BCAR3: variants seen among roughly 807,000 people sequenced by gnomAD.
BCAR3 encodes BCAR3 adaptor protein, NSP family member.
BCAR3 carries 37 observed loss-of-function variants against 80.1 expected under a neutral mutation model. That is an observed-to-expected ratio of 0.46 (90% CI 0.36 to 0.61). The LOEUF (loss-of-function observed/expected upper bound fraction) is 0.61, where lower values mean the gene tolerates loss of function less well. BCAR3 is among the 20% of genes least tolerant of loss of function. The pLI is 0.00. For synonymous variants in BCAR3, 389 were observed against 418.9 expected (o/e 0.93, Z 0.87); for missense variants, 978 against 1,068.2 (o/e 0.92, Z 1.18).
At chr1:93,587,507 A>C (rs534790425) in intron 5 of BCAR3, among the ~76,000 whole-genome samples, 27 of 152,324 alleles carry the variant, frequency 1.8e-4, no homozygotes, top group African/African-American at 6.5e-4. Flanking sequence ...CCCATGGTTG[A>C]AAAGTTGCCC....
At chr1:93,623,682 T>C (rs1478000117) in intron 3 of BCAR3, among the ~76,000 whole-genome samples, 1 of 152,180 alleles carries the variant, frequency 6.6e-6, no homozygotes, top group African/African-American at 2.4e-5. Flanking sequence ...CCCAGGCCAC[T>C]CCACCCCTGC....
At chr1:93,839,964 G>A (rs72723165) in intron 2 of BCAR3, among the ~76,000 whole-genome samples, 11,199 of 152,136 alleles carry the variant, frequency 0.074, 468 homozygotes, top group South Asian at 0.093. Context: ...CTGCTCCCAG[G>A]TCATGCTGAT....
At chr1:93,712,212 C>T (rs1650047740) in intron 2 of BCAR3, among the ~76,000 whole-genome samples, 1 of 152,226 alleles carries the variant, frequency 6.6e-6, no homozygotes, top group Non-Finnish European at 1.5e-5. Flanking sequence ...TCAACTTGAT[C>T]ATTGTCTGAC....
intron 3 of BCAR3, among the ~76,000 whole-genome samples, chr1:93,690,668 G>C (rs1649155899): frequency 6.6e-6 from 1 of 152,208 alleles, no homozygotes; most frequent in Non-Finnish European, 1.5e-5. Flanking sequence ...CCTAGCAACT[G>C]TCTGAATTCT....
At chr1:93,728,708 C>G (rs968837811) in intron 2 of BCAR3, among the ~76,000 whole-genome samples, 3 of 152,170 alleles carry the variant, frequency 2.0e-5, no homozygotes, top group Non-Finnish European at 4.4e-5. Context: ...TCTGTCATGC[C>G]CTCTTTTGCC....
intron 1 of BCAR3, among the ~76,000 whole-genome samples, chr1:93,678,937 C>T (rs1254900668): frequency 6.6e-6 from 1 of 152,162 alleles, no homozygotes; most frequent in African/African-American, 2.4e-5. Context: ...ATGTTTTCTC[C>T]ACTTGGAAAT....
chr1:93,682,140 G>A (rs1648812496), upstream of BCAR3, among the ~76,000 whole-genome samples: 1 of 152,214 alleles, frequency 6.6e-6, no homozygotes, highest in Admixed American at 6.5e-5. Context: ...TTGCTCGTCT[G>A]CAGACACCTG....
intron 2 of BCAR3, among the ~76,000 whole-genome samples, chr1:93,730,956 C>T (rs565442998): frequency 1.3e-5 from 2 of 152,344 alleles, no homozygotes; most frequent in East Asian, 3.9e-4. Context: ...GTCATGTGGG[C>T]AGCATGTGCC....
chr1:93,675,925 CAAAAAAAAA>C (rs58706715), intron 1 of BCAR3, among the ~76,000 whole-genome samples: 6,262 of 51,586 alleles, frequency 0.12, 399 homozygotes, highest in African/African-American at 0.21. Flanking sequence ...AAATAGGAGA[CAAAAAAAAA>C]AAAAAAAAAA....
intron 3 of BCAR3, among the ~76,000 whole-genome samples, chr1:93,604,719 T>C (rs1339064937): frequency 6.6e-6 from 1 of 152,248 alleles, no homozygotes; most frequent in Non-Finnish European, 1.5e-5. Flanking sequence ...AGTTTTATTT[T>C]GATAGAACAC....
rs1365063005 is a variant in BCAR3, at chr1:93,582,504, C to G, written c.1483G>C (p.Glu495Gln). ...TCGCCCTTGTCCCACTGCCCCTTCT[C>G]CATCTGAGCTGCCGCAGGTTCCCAA... ...RPWEPAAAQMEKGQWDKGEFV... is the reference protein window; with the variant it reads ...RPWEPAAAQMQKGQWDKGEFV... Residue 495 changes from glutamate to glutamine, a missense_variant, in exon 7 of 12, where the codon GAG (glutamate) becomes CAG (glutamine). Transcript: ENST00000260502. 6.2e-7 allele frequency: 1 copy of G among 1,614,006 alleles called. No homozygotes were observed. Among genetic ancestry groups the G allele is most frequent in the Non-Finnish European group, 8.5e-7 (1 of 1,180,030 alleles).
intron 2 of BCAR3, among the ~76,000 whole-genome samples, chr1:93,670,022 C>A (rs1648132748): frequency 1.3e-5 from 2 of 152,150 alleles, no homozygotes; most frequent in African/African-American, 2.4e-5. Flanking sequence ...CAAAATCTCA[C>A]AAATCACCAC....
intron 2 of BCAR3, among the ~76,000 whole-genome samples, chr1:93,719,174 G>A (rs1003930804): frequency 3.9e-5 from 6 of 152,008 alleles, no homozygotes; most frequent in African/African-American, 1.4e-4. Context: ...CTCATCTCCA[G>A]GTTCTCATAG....
At chr1:93,635,422 A>G (rs999327540) in intron 3 of BCAR3, among the ~76,000 whole-genome samples, 1 of 152,174 alleles carries the variant, frequency 6.6e-6, no homozygotes, top group Admixed American at 6.5e-5. Context: ...CTCTTTATAA[A>G]TGGCCACATT....
chr1:93,692,856 G>A (rs1437119548), intron 3 of BCAR3, among the ~76,000 whole-genome samples: 2 of 152,182 alleles, frequency 1.3e-5, no homozygotes, highest in African/African-American at 2.4e-5. Context: ...CACTTGCTAG[G>A]CATTCCATAG....
intron 2 of BCAR3, among the ~76,000 whole-genome samples, chr1:93,785,596 G>A (rs1376917377): frequency 6.6e-6 from 1 of 152,216 alleles, no homozygotes; most frequent in Non-Finnish European, 1.5e-5. Context: ...ATTGTGAGAA[G>A]GATAAAATGA....
At chr1:93,689,511 A>C (rs536761143) in intron 3 of BCAR3, among the ~76,000 whole-genome samples, 1 of 148,954 alleles carries the variant, frequency 6.7e-6, no homozygotes, top group East Asian at 1.9e-4. Context: ...AGCCTAGCAA[A>C]CAAGAGCAAA....
intron 2 of BCAR3, among the ~76,000 whole-genome samples, chr1:93,651,732 T>C (rs1676331656): frequency 6.6e-6 from 1 of 152,144 alleles, no homozygotes; most frequent in Non-Finnish European, 1.5e-5. Flanking sequence ...ACACTGAGGC[T>C]ACAAAAAGGC....
intron 2 of BCAR3, among the ~76,000 whole-genome samples, chr1:93,836,470 G>A (rs1195858110): frequency 1.3e-5 from 2 of 151,090 alleles, no homozygotes; most frequent in African/African-American, 4.9e-5. Context: ...CATTCTATAC[G>A]ACAAATGCTC....
Sources: gnomAD v4.1 joint callset for allele counts (sites outside exome capture counted in the v4.1 genomes callset) on GRCh38, gnomAD v4.1.1 for gene constraint, MANE v1.5 for transcripts, NCBI Gene and HGNC (gene_info 2026-07-23, HGNC 2026-07-21) for gene names.